Variants in CDKL5 observed in about 807,000 individuals in gnomAD.
CDKL5 encodes the protein cyclin-dependent kinase-like 5.
A neutral mutation model predicts 61.7 loss-of-function variants in CDKL5; 8 were observed. The ratio of observed to expected loss-of-function variants is 0.13; its 90% confidence interval spans 0.08 to 0.23. The LOEUF (loss-of-function observed/expected upper bound fraction) is 0.23. CDKL5 is among the 10% of genes least tolerant of loss of function. The pLI, the probability that CDKL5 is intolerant of heterozygous loss-of-function variation, is 1.00. For synonymous variants in CDKL5, 275 were observed against 272.3 expected (o/e 1.01, Z -0.10); for missense variants, 440 against 734.5 (o/e 0.60, Z 4.63).
chrX:18,504,528 A>G (rs1200930562), intron 1 of CDKL5, among the ~76,000 whole-genome samples: 1 of 112,154 alleles, frequency 8.9e-6, no homozygotes, highest in Non-Finnish European at 1.9e-5. Context: ...CTAATTATGT[A>G]TATATTGCTT....
chrX:18,497,355 G>C (rs1231920873), intron 1 of CDKL5: 1 of 111,266 alleles, frequency 9.0e-6, no homozygotes, highest in Non-Finnish European at 1.9e-5. Flanking sequence ...TTCCTTACCA[G>C]TTCCTCATCT....
chrX:18,633,174 A>G lies in CDKL5; in HGVS notation c.*4417A>G, dbSNP rs1927282079. On this transcript the variant is annotated 3_prime_UTR_variant, in exon 18 of 18. Coordinates refer to ENST00000623535, the MANE Select transcript of CDKL5 (RefSeq NM_001323289.2). Reference sequence around the variant, plus strand: ...TCGTTACCTCCTGCATGATAGTGGGATATTGAGATGTGGGTTCTAAGATCC... The same window carrying G: ...TCGTTACCTCCTGCATGATAGTGGGGTATTGAGATGTGGGTTCTAAGATCC... 1 of 752,559 alleles carries G rather than the reference A, an allele frequency of 1.3e-6. No individual in the cohort carries two copies. The highest frequency in any genetic ancestry group is 2.3e-5 in the African/African-American group (1 of 43,262). 62.0% of individuals were successfully genotyped at this position (752,559 alleles called of 1,213,427 possible). A position where few individuals can be genotyped will look rare whatever the true frequency, so the allele number is the denominator to read the frequency against.
intron 5 of CDKL5, among the ~76,000 whole-genome samples, chrX:18,577,394 T>A (rs1307315073): frequency 8.9e-6 from 1 of 111,846 alleles, no homozygotes; most frequent in African/African-American, 3.3e-5. Context: ...ACCTGCCACA[T>A]TAGTGGCAGT....
chrX:18,566,642 C>G (rs1924978517), intron 4 of CDKL5, among the ~76,000 whole-genome samples: 1 of 111,649 alleles, frequency 9.0e-6, no homozygotes. Flanking sequence ...TGGATACTTT[C>G]AAGAAGCATA....
chrX:18,595,891 CA>C (rs1173688660), intron 10 of CDKL5, among the ~76,000 whole-genome samples: 7 of 111,963 alleles, frequency 6.3e-5, no homozygotes, highest in Non-Finnish European at 1.3e-4. Flanking sequence ...TTAGACGTAT[CA>C]GGATCATTGC....
At chrX:18,568,948 G>C (rs1234496302) in intron 4 of CDKL5, among the ~76,000 whole-genome samples, 1 of 111,386 alleles carries the variant, frequency 9.0e-6, no homozygotes, top group African/African-American at 3.3e-5. Flanking sequence ...TCCTGCCTCA[G>C]CCTCCCAAAA....
At chrX:18,609,389 G>A (rs1226510977) in intron 13 of CDKL5, 76 bp from the exon 14 acceptor site, 1 of 1,205,714 alleles carries the variant, frequency 8.3e-7, no homozygotes, top group Admixed American at 2.2e-5. Flanking sequence ...GTGAGACCCT[G>A]TCTCAAGAAA....
At chrX:18,532,142 T>C (rs1923671478) in intron 3 of CDKL5, among the ~76,000 whole-genome samples, 1 of 111,324 alleles carries the variant, frequency 9.0e-6, no homozygotes, top group Non-Finnish European at 1.9e-5. Context: ...CAGCAAGAGG[T>C]TTTTTAACTT....
chrX:18,593,946 A>G (rs1340769519), intron 9 of CDKL5, among the ~76,000 whole-genome samples: 1 of 111,900 alleles, frequency 8.9e-6, no homozygotes, highest in Non-Finnish European at 1.9e-5. Flanking sequence ...CCTTTCTCTG[A>G]GCTTCAATTA....
chrX:18,560,145 G>A (rs1054958646), intron 3 of CDKL5, among the ~76,000 whole-genome samples: 1 of 110,923 alleles, frequency 9.0e-6, no homozygotes. Flanking sequence ...TTGGGTATAT[G>A]CCCAGTAATG....
chrX:18,491,866 T>C (rs965324760), intron 1 of CDKL5, among the ~76,000 whole-genome samples: 1 of 111,578 alleles, frequency 9.0e-6, no homozygotes, highest in African/African-American at 3.2e-5. Flanking sequence ...GCTTAAAATA[T>C]TTGAATGGGT....
At chrX:18,575,896 A>G (rs907256691) in intron 5 of CDKL5, among the ~76,000 whole-genome samples, 11 of 111,709 alleles carry the variant, frequency 9.8e-5, no homozygotes, top group Non-Finnish European at 7.5e-5. Context: ...GGGCCCAGGA[A>G]GCAGCTTATG....
chrX:18,509,839 T>G (rs1453092336), intron 2 of CDKL5, among the ~76,000 whole-genome samples: 1 of 110,227 alleles, frequency 9.1e-6, no homozygotes, highest in African/African-American at 3.3e-5. Context: ...TACTGAGGCC[T>G]GGACTACTTT....
In CDKL5 at chrX:18,653,501, C is replaced by T. The variant is rs745370971; in HGVS notation, c.3050C>T (p.Ala1017Val). The stretch of plus-strand genomic sequence containing the variant: ...CACAGGGCCCAGGTAAACCAAGCTG[C>T]GCTCCTGACATACCATGAGAATGCG... The change falls in exon 22 of 22, where the codon GCG becomes GTG. Residue 1017 changes from alanine to valine, a missense_variant. Physicochemically the swap from Ala to Val is moderately conservative, Grantham distance 64 (BLOSUM62 0). Coordinates refer to the CDKL5 transcript ENST00000379989. 11 of 1,211,722 alleles carry T rather than the reference C, an allele frequency of 9.1e-6. No individual in the cohort carries two copies. Among genetic ancestry groups the T allele is most frequent in the Admixed American group, 4.3e-5 (2 of 46,029 alleles).
At chrX:18,476,275 G>T (rs771843057) in intron 1 of CDKL5, among the ~76,000 whole-genome samples, 2 of 111,307 alleles carry the variant, frequency 1.8e-5, no homozygotes, top group Non-Finnish European at 3.8e-5. Flanking sequence ...GAGTGCAGTG[G>T]TGTGATCTCA....
intron 2 of CDKL5, among the ~76,000 whole-genome samples, chrX:18,509,241 A>AC (rs1301794418): frequency 1.5e-4 from 16 of 103,392 alleles, no homozygotes; most frequent in Admixed American, 1.1e-3. Context: ...ACACACACAC[A>AC]CACACCCCTG....
chrX:18,550,203 G>C (rs917072756), intron 3 of CDKL5, among the ~76,000 whole-genome samples: 1 of 111,519 alleles, frequency 9.0e-6, no homozygotes, highest in Admixed American at 9.5e-5. Flanking sequence ...GGCCAAGAGA[G>C]CACACCTGAG....
chrX:18,526,722 A>G (rs1390493266), intron 3 of CDKL5, among the ~76,000 whole-genome samples: 1 of 110,788 alleles, frequency 9.0e-6, no homozygotes, highest in South Asian at 3.8e-4. Flanking sequence ...TGATTTTTCT[A>G]CTTAGCATGG....
chrX:18,553,020 G>A (rs950230271), intron 3 of CDKL5, among the ~76,000 whole-genome samples: 6 of 111,405 alleles, frequency 5.4e-5, no homozygotes, highest in Non-Finnish European at 7.5e-5. Flanking sequence ...TATCAGAAGG[G>A]CTGTGGCAGT....
Sources: allele counts gnomAD v4.1 joint callset (sites outside exome capture counted in the v4.1 genomes callset), GRCh38; gene constraint gnomAD v4.1.1; transcripts MANE v1.5; gene names NCBI Gene and HGNC (gene_info 2026-07-23, HGNC 2026-07-21).